SORCS2: variants seen among roughly 807,000 people sequenced by gnomAD.
SORCS2 encodes the protein VPS10 domain-containing receptor SorCS2.
In SORCS2, 100 loss-of-function variants were observed where a neutral mutation model predicts 141.6. The ratio of observed to expected loss-of-function variants is 0.71; its 90% CI spans 0.60 to 0.83. The LOEUF (loss-of-function observed/expected upper bound fraction) is 0.83. SORCS2 is among the 40% of genes least tolerant of loss of function. SORCS2 has a pLI of 0.00. For missense variants in SORCS2, 1,646 were observed against 1,560.2 expected (o/e 1.05, Z -0.93); for synonymous variants, 789 against 676.9 (o/e 1.17, Z -2.57).
intron 1 of SORCS2, among the ~76,000 whole-genome samples, chr4:7,237,164 A>G (rs927661152): frequency 2.0e-5 from 3 of 152,256 alleles, no homozygotes; most frequent in Non-Finnish European, 2.9e-5. Flanking sequence ...CAAGCAGCAG[A>G]TAACATGGGC....
chr4:7,420,592 A>C (rs1470872224), intron 2 of SORCS2, among the ~76,000 whole-genome samples: 1 of 152,006 alleles, frequency 6.6e-6, no homozygotes, highest in African/African-American at 2.4e-5. Context: ...TGGCCATGGA[A>C]GGAAGTCTGG....
chr4:7,333,889 C>T (rs1027270877), intron 1 of SORCS2, among the ~76,000 whole-genome samples: 4 of 152,198 alleles, frequency 2.6e-5, no homozygotes, highest in African/African-American at 9.7e-5. Flanking sequence ...TGGGAGCTGG[C>T]TGTTGACTAA....
At chr4:7,464,685 T>C (rs935244346) in intron 2 of SORCS2, among the ~76,000 whole-genome samples, 3 of 152,204 alleles carry the variant, frequency 2.0e-5, no homozygotes, top group African/African-American at 4.8e-5. Flanking sequence ...AAAAATGGTG[T>C]ACTCTGACCA....
intron 1 of SORCS2, among the ~76,000 whole-genome samples, chr4:7,266,457 C>T (rs1714738425): frequency 6.6e-6 from 1 of 152,214 alleles, no homozygotes; most frequent in African/African-American, 2.4e-5. Context: ...CCCTGTGCCA[C>T]CTTCTGTGCT....
At chr4:7,360,630 G>C (rs1405427162) in intron 1 of SORCS2, among the ~76,000 whole-genome samples, 1 of 128,548 alleles carries the variant, frequency 7.8e-6, no homozygotes, top group Admixed American at 9.4e-5. Flanking sequence ...CCAGGCTGGA[G>C]TGCAGTGGTA....
chr4:7,329,379 C>T (rs1719496765), intron 1 of SORCS2, among the ~76,000 whole-genome samples: 1 of 152,224 alleles, frequency 6.6e-6, no homozygotes, highest in Admixed American at 6.5e-5. Flanking sequence ...ACTCTTCCCA[C>T]CCATGGAGGA....
intron 1 of SORCS2, among the ~76,000 whole-genome samples, chr4:7,346,799 A>G (rs1021055060): frequency 2.0e-5 from 3 of 152,174 alleles, no homozygotes; most frequent in South Asian, 4.1e-4. Context: ...ACTTAAACCA[A>G]TCTTCCCAGA....
At chr4:7,222,953 T>C (rs1728798212) in intron 1 of SORCS2, among the ~76,000 whole-genome samples, 1 of 152,218 alleles carries the variant, frequency 6.6e-6, no homozygotes, top group Non-Finnish European at 1.5e-5. Context: ...CTTTGCTTTT[T>C]TCAGGCAGGC....
intron 1 of SORCS2, among the ~76,000 whole-genome samples, chr4:7,215,818 C>T (rs560910931): frequency 2.2e-4 from 33 of 152,198 alleles, no homozygotes; most frequent in African/African-American, 4.6e-4. Flanking sequence ...CTGATGGGGA[C>T]GTGGAGAACC....
intron 1 of SORCS2, among the ~76,000 whole-genome samples, chr4:7,273,727 A>T (rs1011974144): frequency 3.3e-5 from 5 of 152,184 alleles, no homozygotes; most frequent in African/African-American, 9.6e-5. Flanking sequence ...TTCAATGTGG[A>T]TTTGGAACTG....
chr4:7,647,984 G>A (rs1237476278), intron 4 of SORCS2, among the ~76,000 whole-genome samples: 2 of 152,214 alleles, frequency 1.3e-5, no homozygotes, highest in Non-Finnish European at 1.5e-5. Flanking sequence ...GTGTCTCATC[G>A]CTGAAGTTTC....
chr4:7,374,802 C>G (rs1385921204), intron 1 of SORCS2, among the ~76,000 whole-genome samples: 1 of 152,214 alleles, frequency 6.6e-6, no homozygotes, highest in East Asian at 1.9e-4. Context: ...CTTGTGCTCC[C>G]TCCAGCCTCT....
chr4:7,668,160 G>A lies in SORCS2; in HGVS notation c.1161+947G>A, dbSNP rs1466007484. Among the ~76,000 whole-genome samples, 5 of 152,320 alleles carry A rather than the reference G, an allele frequency of 3.3e-5. No individual in the cohort carries two copies. The East Asian group carries it at 5.8e-4, about 18-fold the overall frequency. The stretch of plus-strand genomic sequence containing the variant: ...TCCTGCTCCTGTGGGCTTTACAGAC[G>A]GGGAACAGGCAGGAGATCCAGTAGA... On this transcript the variant is annotated intron_variant, in intron 8 of 26. Transcript: ENST00000507866.
At chr4:7,220,843 C>T (rs950439384) in intron 1 of SORCS2, among the ~76,000 whole-genome samples, 1 of 152,114 alleles carries the variant, frequency 6.6e-6, no homozygotes. Flanking sequence ...TGAGAAATTT[C>T]CAGCACACCC....
At chr4:7,388,033 C>T (rs929352902) in intron 1 of SORCS2, among the ~76,000 whole-genome samples, 30 of 150,966 alleles carry the variant, frequency 2.0e-4, no homozygotes, top group Non-Finnish European at 3.4e-4. Flanking sequence ...CAGATACGCA[C>T]ACATGCACAC....
chr4:7,468,725 C>G (rs1480425104), intron 2 of SORCS2, among the ~76,000 whole-genome samples: 1 of 152,244 alleles, frequency 6.6e-6, no homozygotes, highest in African/African-American at 2.4e-5. Context: ...ACCATCTCTT[C>G]CATCTGTTGA....
chr4:7,356,365 G>T (rs117436186), intron 1 of SORCS2, among the ~76,000 whole-genome samples: 1 of 152,252 alleles, frequency 6.6e-6, no homozygotes, highest in African/African-American at 2.4e-5. Flanking sequence ...GGGCTGGGAA[G>T]TCCAAGGTCA....
chr4:7,259,875 G>C (rs1176349718), intron 1 of SORCS2, among the ~76,000 whole-genome samples: 1 of 152,224 alleles, frequency 6.6e-6, no homozygotes, highest in Admixed American at 6.5e-5. Context: ...CTCATGCGTG[G>C]AGCTGACGCC....
At chr4:7,578,607 T>C (rs1715928763) in intron 3 of SORCS2, among the ~76,000 whole-genome samples, 2 of 152,196 alleles carry the variant, frequency 1.3e-5, no homozygotes. Flanking sequence ...ACATGTAAAG[T>C]GTGTCTAATG....
Sources: allele counts gnomAD v4.1 joint callset (sites outside exome capture counted in the v4.1 genomes callset), GRCh38; gene constraint gnomAD v4.1.1; transcripts MANE v1.5; gene names NCBI Gene and HGNC (gene_info 2026-07-23, HGNC 2026-07-21).